EDN1: variants seen among roughly 807,000 people sequenced by gnomAD.
The protein encoded by EDN1 is endothelin 1.
A neutral mutation model predicts 21.7 loss-of-function variants in EDN1; 11 were observed. That is an observed-to-expected ratio of 0.51 (90% CI 0.32 to 0.84). The LOEUF (loss-of-function observed/expected upper bound fraction) is 0.84. EDN1 is among the 40% of genes least tolerant of loss of function. EDN1 has a pLI of 0.03. For synonymous variants in EDN1, 85 were observed against 90.6 expected (o/e 0.94, Z 0.35); for missense variants, 244 against 262.3 (o/e 0.93, Z 0.48).
chr6:12,245,109 G>GT, the EDN1 span, among the ~76,000 whole-genome samples: 1 of 152,188 alleles, frequency 6.6e-6, no homozygotes, highest in African/African-American at 2.4e-5. Flanking sequence ...ATTTCAGAAT[G>GT]TAAGAAGTGG....
chr6:12,256,799 T>A, the EDN1 span, among the ~76,000 whole-genome samples: 1 of 152,238 alleles, frequency 6.6e-6, no homozygotes, highest in African/African-American at 2.4e-5. Context: ...ATTGTTTGCA[T>A]ACTAGTACTC....
At chr6:12,231,381 C>G in the EDN1 span, among the ~76,000 whole-genome samples, 1 of 152,168 alleles carries the variant, frequency 6.6e-6, no homozygotes, top group Non-Finnish European at 1.5e-5. Flanking sequence ...AGGAATGAAA[C>G]AAATTTGAAA....
At chr6:12,256,309 C>T in the EDN1 span, among the ~76,000 whole-genome samples, 2 of 152,184 alleles carry the variant, frequency 1.3e-5, no homozygotes, top group African/African-American at 4.8e-5. Flanking sequence ...GCTATGATTG[C>T]ACCACTGCGC....
chr6:12,277,043 A>T, the EDN1 span, among the ~76,000 whole-genome samples: 2 of 152,234 alleles, frequency 1.3e-5, no homozygotes, highest in Non-Finnish European at 2.9e-5. Context: ...CCTGATTATT[A>T]TGCTGGTTGT....
At chr6:12,269,453 A>G in the EDN1 span, among the ~76,000 whole-genome samples, 1 of 151,950 alleles carries the variant, frequency 6.6e-6, no homozygotes, top group African/African-American at 2.4e-5. Context: ...GCATGATTTA[A>G]CTGTGGGTTT....
chr6:12,275,221 C>T, the EDN1 span, among the ~76,000 whole-genome samples: 6 of 152,194 alleles, frequency 3.9e-5, no homozygotes, highest in South Asian at 4.1e-4. Flanking sequence ...CCTCAGTTGG[C>T]CGCTTGGGGC....
At chr6:12,270,453 C>G in the EDN1 span, among the ~76,000 whole-genome samples, 1 of 151,410 alleles carries the variant, frequency 6.6e-6, no homozygotes, top group Non-Finnish European at 1.5e-5. Flanking sequence ...TTGCTGTATC[C>G]CATAGGTTTT....
intron 1 of EDN1, among the ~76,000 whole-genome samples, chr6:12,291,310 T>C (rs1762677878): frequency 6.8e-6 from 1 of 147,662 alleles, no homozygotes; most frequent in Non-Finnish European, 1.5e-5. Flanking sequence ...AGGTTTCTTT[T>C]GGCAGGTTTT....
the EDN1 span, among the ~76,000 whole-genome samples, chr6:12,277,133 T>C: frequency 6.6e-6 from 1 of 152,176 alleles, no homozygotes; most frequent in Non-Finnish European, 1.5e-5. Flanking sequence ...GTTAACTGTC[T>C]TGCAATATGA....
chr6:12,295,754 C>T lies in EDN1; in HGVS notation c.534-208C>T, dbSNP rs1630736. Among the ~76,000 whole-genome samples, 55,300 of 151,902 alleles carry T rather than the reference C, an allele frequency of 0.36. 12,120 individuals are homozygous for T. The highest frequency in any genetic ancestry group is 0.56 in the East Asian group (2,859 of 5,146). On this transcript the variant is annotated intron_variant, in intron 4 of 4. Transcript: ENST00000379375. The stretch of plus-strand genomic sequence containing the variant: ...CCTTAGACTTGACCATATGACCCCT[C>T]GCTCCCATTCTAAGCATAGGGGCAG...
intron 1 of EDN1, 47 bp from the exon 2 acceptor site, chr6:12,292,294 G>A: frequency 3.1e-6 from 5 of 1,608,916 alleles, no homozygotes; most frequent in Non-Finnish European, 4.2e-6. Flanking sequence ...CATGTCTCTC[G>A]GCGTTTGAGG....
the EDN1 span, among the ~76,000 whole-genome samples, chr6:12,268,529 A>G: frequency 1.3e-5 from 2 of 152,264 alleles, no homozygotes; most frequent in Admixed American, 1.3e-4. Context: ...ACTTTTCTGT[A>G]TGTGGATATC....
chr6:12,283,249 G>A, the EDN1 span, among the ~76,000 whole-genome samples: 1 of 152,112 alleles, frequency 6.6e-6, no homozygotes, highest in African/African-American at 2.4e-5. Flanking sequence ...ACTCATGTTT[G>A]GGAAAACATG....
the EDN1 span, among the ~76,000 whole-genome samples, chr6:12,268,887 T>C: frequency 1.3e-5 from 2 of 152,196 alleles, no homozygotes; most frequent in Non-Finnish European, 2.9e-5. Context: ...GGTATTTTGA[T>C]AGGGATTGTA....
the EDN1 span, among the ~76,000 whole-genome samples, chr6:12,253,911 C>T: frequency 6.6e-6 from 1 of 152,126 alleles, no homozygotes; most frequent in East Asian, 1.9e-4. Flanking sequence ...AAATACATCT[C>T]AATCCATCTC....
the EDN1 span, among the ~76,000 whole-genome samples, chr6:12,234,481 T>C: frequency 3.9e-5 from 6 of 152,194 alleles, no homozygotes. Context: ...TTCTTATTAC[T>C]TCAACTTTTA....
the EDN1 span, among the ~76,000 whole-genome samples, chr6:12,276,034 T>C: frequency 1.6e-4 from 25 of 151,566 alleles, no homozygotes; most frequent in East Asian, 5.8e-4. Flanking sequence ...TGGTGGTGGG[T>C]GCCTGTAGTC....
chr6:12,278,051 T>C, the EDN1 span, among the ~76,000 whole-genome samples: 1 of 152,256 alleles, frequency 6.6e-6, no homozygotes, highest in African/African-American at 2.4e-5. Flanking sequence ...GTTGTAAATT[T>C]AATTTCTTCT....
At chr6:12,256,979 G>A in the EDN1 span, among the ~76,000 whole-genome samples, 1 of 152,102 alleles carries the variant, frequency 6.6e-6, no homozygotes, top group Non-Finnish European at 1.5e-5. Context: ...TCATGAGGAG[G>A]TAAAACTAAA....
Sources: gnomAD v4.1 joint callset for allele counts (sites outside exome capture counted in the v4.1 genomes callset) on GRCh38, gnomAD v4.1.1 for gene constraint, MANE v1.5 for transcripts, NCBI Gene and HGNC (gene_info 2026-07-23, HGNC 2026-07-21) for gene names.